Variants in NCOA2 observed in about 807,000 individuals in gnomAD.
NCOA2 encodes nuclear receptor coactivator 2.
In NCOA2, 21 loss-of-function variants were observed where a neutral mutation model predicts 145.1. That is an observed-to-expected ratio of 0.14 (90% CI 0.10 to 0.21). The LOEUF (loss-of-function observed/expected upper bound fraction) is 0.21, where lower values mean the gene tolerates loss of function less well. NCOA2 is among the 10% of genes least tolerant of loss of function. The pLI, the probability that NCOA2 is intolerant of heterozygous loss-of-function variation, is 1.00. For synonymous variants in NCOA2, 619 were observed against 637.5 expected (o/e 0.97, Z 0.44); for missense variants, 1,472 against 1,837.6 (o/e 0.80, Z 3.64).
At chr8:70,323,621 G>A (rs1296571067) in intron 1 of NCOA2, among the ~76,000 whole-genome samples, 1 of 151,942 alleles carries the variant, frequency 6.6e-6, no homozygotes, top group Non-Finnish European at 1.5e-5. Flanking sequence ...TGAAGGGGGG[G>A]AGATTATTGC....
Position 70,310,539 on chromosome 8 carries a change from C to T in NCOA2, c.-76-13739G>A, listed in dbSNP as rs117521137. On this transcript the variant is annotated intron_variant, in intron 1 of 22. Coordinates refer to ENST00000452400, the MANE Select transcript of NCOA2 (RefSeq NM_006540.4). ...TTTCAGACCATAAATTCAAGGCATG[C>T]GTAATGAATTCTTTTTATTTTTTCT... Among the ~76,000 whole-genome samples the T allele has an allele frequency of 4.6e-4, 70 of 151,988 alleles. No individual in the cohort carries two copies. In the East Asian group the frequency reaches 0.012, roughly 27 times the overall value.
At chr8:70,145,816 A>G (rs1397670538) in intron 12 of NCOA2, among the ~76,000 whole-genome samples, 1 of 151,532 alleles carries the variant, frequency 6.6e-6, no homozygotes, top group Non-Finnish European at 1.5e-5. Flanking sequence ...TTTTTTGTTG[A>G]GACAGTGTCT....
At chr8:70,339,687 T>C (rs1243903901) in intron 1 of NCOA2, among the ~76,000 whole-genome samples, 3 of 152,172 alleles carry the variant, frequency 2.0e-5, no homozygotes, top group Admixed American at 6.5e-5. Flanking sequence ...CTTCAAGCTA[T>C]ACTACAAGGC....
intron 5 of NCOA2, among the ~76,000 whole-genome samples, chr8:70,172,602 TA>T (rs1472993698): frequency 6.6e-6 from 1 of 152,170 alleles, no homozygotes; most frequent in African/African-American, 2.4e-5. Flanking sequence ...TAGCCTTTCA[TA>T]ATACATGGTA....
At chr8:70,335,833 T>G (rs1807536541) in intron 1 of NCOA2, among the ~76,000 whole-genome samples, 1 of 152,168 alleles carries the variant, frequency 6.6e-6, no homozygotes, top group Non-Finnish European at 1.5e-5. Flanking sequence ...CTATATGGTA[T>G]AGCCTATTGC....
chr8:70,372,788 C>A (rs1452694830), intron 1 of NCOA2, among the ~76,000 whole-genome samples: 1 of 152,178 alleles, frequency 6.6e-6, no homozygotes, highest in Non-Finnish European at 1.5e-5. Context: ...TTCCCCACCA[C>A]ATCCCAAGCA....
intron 21 of NCOA2, among the ~76,000 whole-genome samples, chr8:70,122,800 T>C (rs148944007): frequency 2.3e-4 from 35 of 152,354 alleles, no homozygotes; most frequent in African/African-American, 7.2e-4. Flanking sequence ...ATTAAATAGA[T>C]CTAATCAAAC....
At chr8:70,348,952 A>G (rs1808922487) in intron 1 of NCOA2, among the ~76,000 whole-genome samples, 1 of 149,050 alleles carries the variant, frequency 6.7e-6, no homozygotes, top group African/African-American at 2.5e-5. Flanking sequence ...ACTAAATTAA[A>G]AGGGCATACT....
intron 2 of NCOA2, among the ~76,000 whole-genome samples, chr8:70,266,851 C>G (rs1040316416): frequency 3.9e-5 from 6 of 152,166 alleles, no homozygotes; most frequent in Non-Finnish European, 7.3e-5. Context: ...TACTGTTTTG[C>G]TCTTTTTGTT....
At chr8:70,262,206 A>T (rs911895186) in intron 2 of NCOA2, among the ~76,000 whole-genome samples, 1 of 152,170 alleles carries the variant, frequency 6.6e-6, no homozygotes, top group Non-Finnish European at 1.5e-5. Flanking sequence ...CTTTAACAAC[A>T]TCCCTATGAA....
At chr8:70,377,407 A>G (rs1039316928) in intron 1 of NCOA2, among the ~76,000 whole-genome samples, 8 of 152,118 alleles carry the variant, frequency 5.3e-5, no homozygotes, top group Non-Finnish European at 1.2e-4. Context: ...ATAAATAAAA[A>G]TTTAGTATTT....
chr8:70,451,587 A>G, the NCOA2 span, among the ~76,000 whole-genome samples: 22 of 132,790 alleles, frequency 1.7e-4, no homozygotes, highest in East Asian at 5.0e-3. Context: ...AATATTTTAA[A>G]CTATTTTTTT....
chr8:70,248,339 ACT>A (rs1033294565), intron 2 of NCOA2, among the ~76,000 whole-genome samples: 1 of 152,090 alleles, frequency 6.6e-6, no homozygotes, highest in Non-Finnish European at 1.5e-5. Flanking sequence ...CACTTCCATC[ACT>A]CTGCAAAGTT....
At chr8:70,356,831 A>T (rs895656915) in intron 1 of NCOA2, among the ~76,000 whole-genome samples, 1 of 152,200 alleles carries the variant, frequency 6.6e-6, no homozygotes, top group Non-Finnish European at 1.5e-5. Context: ...TTTAGCTACC[A>T]AAATATTTGA....
At chr8:70,275,458 CCTG>C (rs1405906299) in intron 2 of NCOA2, among the ~76,000 whole-genome samples, 1 of 151,844 alleles carries the variant, frequency 6.6e-6, no homozygotes, top group African/African-American at 2.4e-5. Context: ...TAAAAGGAAA[CCTG>C]CTGAGTTCTT....
chr8:70,402,470 G>A (rs1814376652), intron 1 of NCOA2: 1 of 152,230 alleles, frequency 6.6e-6, no homozygotes, highest in African/African-American at 2.4e-5. Flanking sequence ...AGGGGAAGAG[G>A]GAGGGGCCAT....
chr8:70,150,824 C>A (rs563104717), intron 11 of NCOA2, among the ~76,000 whole-genome samples: 1 of 152,156 alleles, frequency 6.6e-6, no homozygotes, highest in East Asian at 1.9e-4. Context: ...ATCATATTAA[C>A]ACAAACTTTA....
the NCOA2 span, among the ~76,000 whole-genome samples, chr8:70,453,094 AC>A: frequency 6.6e-6 from 1 of 152,212 alleles, no homozygotes; most frequent in African/African-American, 2.4e-5. Context: ...AACCTAACAA[AC>A]TTTTAAGTAG....
At chr8:70,447,628 A>T in the NCOA2 span, among the ~76,000 whole-genome samples, 1 of 138,086 alleles carries the variant, frequency 7.2e-6, no homozygotes, top group African/African-American at 2.8e-5. Flanking sequence ...TTATACTTTC[A>T]TTTTTCATTT....
Sources: allele counts gnomAD v4.1 joint callset (sites outside exome capture counted in the v4.1 genomes callset), GRCh38; gene constraint gnomAD v4.1.1; transcripts MANE v1.5; gene names NCBI Gene and HGNC (gene_info 2026-07-23, HGNC 2026-07-21).